ADSL: variants seen among roughly 807,000 people sequenced by gnomAD.
ADSL encodes the protein adenylosuccinase.
A neutral mutation model predicts 62.1 loss-of-function variants in ADSL; 44 were observed. The observed-to-expected ratio is 0.71, with a 90% CI of 0.56 to 0.91. The LOEUF (loss-of-function observed/expected upper bound fraction) is 0.91. Among genes scored for constraint, ADSL ranks in the 40% least tolerant of loss-of-function variants. ADSL has a pLI of 0.00. For synonymous variants in ADSL, 198 were observed against 220.5 expected (o/e 0.90, Z 0.90); for missense variants, 531 against 627.4 (o/e 0.85, Z 1.64).
At chr22:40,374,710 C>T (rs988184631) in intron 2 of ADSL, among the ~76,000 whole-genome samples, 1 of 152,182 alleles carries the variant, frequency 6.6e-6, no homozygotes, top group African/African-American at 2.4e-5. Context: ...GGCGAAATGC[C>T]ATCTCGACCA....
chr22:40,372,894 A>G (rs1447697114), downstream of ADSL: 3 of 152,250 alleles, frequency 2.0e-5, no homozygotes, highest in African/African-American at 4.8e-5. Flanking sequence ...ATAGCCTGTT[A>G]TTCAGCTGGT....
At chr22:40,352,791 GC>G (rs1384105044) in intron 2 of ADSL, among the ~76,000 whole-genome samples, 1 of 152,164 alleles carries the variant, frequency 6.6e-6, no homozygotes, top group Non-Finnish European at 1.5e-5. Flanking sequence ...GCGCCACCAT[GC>G]CCAACCTTCA....
chr22:40,358,221 T>A (rs1285600424), intron 4 of ADSL, among the ~76,000 whole-genome samples: 1 of 152,236 alleles, frequency 6.6e-6, no homozygotes, highest in Non-Finnish European at 1.5e-5. Flanking sequence ...GAGTATCTAA[T>A]GTATTTCTTA....
rs1215714047 is a variant in ADSL at position 40,369,103 on chromosome 22, A to T, written c.*2581A>T. 1 of 152,296 alleles carries T rather than the reference A, an allele frequency of 6.6e-6. No individual in the cohort carries two copies. The highest frequency in any genetic ancestry group is 1.9e-4 in the East Asian group (1 of 5,196). 9.4% of individuals were successfully genotyped at this position (152,296 alleles called of 1,614,324 possible). A position where few individuals can be genotyped will look rare whatever the true frequency, so the allele number is the denominator to read the frequency against. Reference sequence around the variant, plus strand: ...TTATATTACATAACAGATACTGGGGATATAGGATACCATGGATTTTAGTTA... The same window carrying T: ...TTATATTACATAACAGATACTGGGGTTATAGGATACCATGGATTTTAGTTA... On this transcript the variant is annotated 3_prime_UTR_variant, in exon 13 of 13. Transcript: ENST00000623063.
downstream of ADSL, among the ~76,000 whole-genome samples, chr22:40,370,440 C>T (rs142175627): frequency 8.3e-4 from 127 of 152,292 alleles, no homozygotes; most frequent in African/African-American, 3.0e-3. Flanking sequence ...CATACTGTCC[C>T]AAGCTTCTCA....
intron 1 of ADSL, among the ~76,000 whole-genome samples, chr22:40,346,922 C>G (rs993615070): frequency 6.6e-6 from 1 of 152,172 alleles, no homozygotes; most frequent in East Asian, 1.9e-4. Context: ...GTTCTCAGTC[C>G]GAGAGGGTTC....
At chr22:40,364,087 GA>G (rs759038192) in intron 10 of ADSL, among the ~76,000 whole-genome samples, 188 bp from the exon 11 acceptor site, 21 of 145,638 alleles carry the variant, frequency 1.4e-4, no homozygotes, top group East Asian at 4.0e-4. Flanking sequence ...AAAAAAAAAA[GA>G]AAAAAAAAAT....
chr22:40,366,295 G>A (rs1164785326), intron 12 of ADSL, 141 bp from the exon 13 acceptor site: 3 of 684,170 alleles, frequency 4.4e-6, no homozygotes, highest in Non-Finnish European at 7.9e-6. Flanking sequence ...TTCCTGATAG[G>A]CAGTTGAGGA....
At chr22:40,358,779 A>T in intron 4 of ADSL, 85 bp from the exon 5 acceptor site, 1 of 1,300,172 alleles carries the variant, frequency 7.7e-7, no homozygotes, top group Non-Finnish European at 1.1e-6. Context: ...CCAAGGGGTA[A>T]TGGTGGTTAT....
chr22:40,354,465 G>A, intron 4 of ADSL, 138 bp downstream of exon 4: 3 of 771,020 alleles, frequency 3.9e-6, no homozygotes, highest in Admixed American at 3.6e-5. Flanking sequence ...TGCTTATAAG[G>A]AATGAGCCTG....
At chr22:40,363,548 C>T (rs1243944856) in intron 10 of ADSL, among the ~76,000 whole-genome samples, 1 of 151,902 alleles carries the variant, frequency 6.6e-6, no homozygotes, top group African/African-American at 2.4e-5. Flanking sequence ...CTAGCCTGGC[C>T]AACATGGTAA....
At chr22:40,358,148 T>G (rs1447800881) in intron 4 of ADSL, among the ~76,000 whole-genome samples, 2 of 152,226 alleles carry the variant, frequency 1.3e-5, no homozygotes, top group Non-Finnish European at 2.9e-5. Context: ...GGACCCTGTC[T>G]GTGTTATTCC....
At chr22:40,361,162 T>C (rs1601588305) in intron 7 of ADSL, 111 bp from the exon 8 acceptor site, 1 of 1,028,292 alleles carries the variant, frequency 9.7e-7, no homozygotes. Context: ...GGTCTTCAGC[T>C]CAGCCACAGC....
chr22:40,359,165 GGGGTTA>G, intron 5 of ADSL, 89 bp from the exon 6 acceptor site: 1 of 1,582,460 alleles, frequency 6.3e-7, no homozygotes, highest in Non-Finnish European at 8.7e-7. Context: ...GGAAGTTGTG[GGGGTTA>G]GGGAGCGAGA....
chr22:40,385,423 G>A (rs1011820409), intron 2 of ADSL, among the ~76,000 whole-genome samples: 1 of 152,208 alleles, frequency 6.6e-6, no homozygotes, highest in Non-Finnish European at 1.5e-5. Context: ...GAAGCCATTG[G>A]AGAAGAAAAG....
In ADSL at chr22:40,361,499, A is replaced by T; in HGVS notation, c.874A>T (p.Met292Leu). Residue 292 changes from methionine to leucine, a missense_variant, in exon 9 of 13, where the codon ATG becomes TTG. Physicochemically the swap from Met to Leu is conservative, Grantham distance 15. This residue lies in a region of ADSL where 471 missense variants were observed against 592.9 expected (regional missense o/e 0.79). Coordinates refer to ENST00000623063, the MANE Select transcript of ADSL (RefSeq NM_000026.4). ...TTTTACATGGGCAGGCTCAAGTGCG[A>T]TGCCATATAAGCGGAATCCCATGCG... ...FEKQQIGSSA[M>L]PYKRNPMRSE... 6.2e-7 allele frequency: 1 copy of T among 1,614,204 alleles called. No homozygotes were observed. The highest frequency in any genetic ancestry group is 8.5e-7 in the Non-Finnish European group (1 of 1,180,040).
intron 11 of ADSL, 109 bp downstream of exon 11, chr22:40,364,474 C>CTG: frequency 1.1e-6 from 1 of 951,182 alleles, no homozygotes; most frequent in Non-Finnish European, 1.6e-6. Context: ...CCTTCAGTCA[C>CTG]AGTAATGGTA....
downstream of ADSL, among the ~76,000 whole-genome samples, chr22:40,372,035 CT>C (rs1011579834): frequency 6.7e-6 from 1 of 150,042 alleles, no homozygotes; most frequent in African/African-American, 2.5e-5. Context: ...TCTTTCCTGG[CT>C]TTTGATAATC....
chr22:40,356,782 A>G lies in ADSL; in HGVS notation c.483-2082A>G, dbSNP rs1044658454. On this transcript the variant is annotated intron_variant, in intron 4 of 12. Transcript: ENST00000623063. ...GGCTTGAGCCCAGGAGATTGAGGCT[A>G]CAGTGAGCTGTGATTATACCAGCGT... Among the ~76,000 whole-genome samples, 8 of 152,246 alleles carry G rather than the reference A, an allele frequency of 5.3e-5. No individual in the cohort carries two copies. In the East Asian group the frequency reaches 7.7e-4, roughly 15 times the overall value.
Sources: gnomAD v4.1 joint callset for allele counts (sites outside exome capture counted in the v4.1 genomes callset) on GRCh38, gnomAD v4.1.1 for gene constraint, gnomAD v4.1.1 regional missense constraint, MANE v1.5 for transcripts, NCBI Gene and HGNC (gene_info 2026-07-23, HGNC 2026-07-21) for gene names.